ITGAD: variants seen among roughly 807,000 people sequenced by gnomAD.
ITGAD encodes integrin alpha-D.
In ITGAD, 105 loss-of-function variants were observed where a neutral mutation model predicts 139.0. That is an observed-to-expected ratio of 0.76 (90% CI 0.65 to 0.89). The LOEUF is 0.89. ITGAD is among the 40% of genes least tolerant of loss of function. The probability of loss-of-function intolerance (pLI) is 0.00; values close to 1 mark genes in which losing one functional copy is unlikely to be tolerated. For missense variants in ITGAD, 1,384 were observed against 1,487.3 expected (o/e 0.93, Z 1.14); for synonymous variants, 569 against 598.3 (o/e 0.95, Z 0.71).
intron 18 of ITGAD, among the ~76,000 whole-genome samples, 189 bp from the exon 19 acceptor site, chr16:31,416,024 G>A (rs1264314828): frequency 6.6e-6 from 1 of 151,710 alleles, no homozygotes; most frequent in Non-Finnish European, 1.5e-5. Context: ...GTCCCTTGAA[G>A]CCAAGGATCT....
chr16:31,410,407 C>G lies in ITGAD; in HGVS notation c.1096C>G (p.Leu366Val). ...TCTTTCCTCCCAGGATGGCCTCTTCCTGGGGGCTGTGGGGAGCTTTAGCTG... is the reference window on the plus strand; with the variant it reads ...TCTTTCCTCCCAGGATGGCCTCTTCGTGGGGGCTGTGGGGAGCTTTAGCTG... ...STALTMDGLFLGAVGSFSWSG... is the reference protein window; with the variant it reads ...STALTMDGLFVGAVGSFSWSG... Residue 366 changes from leucine (L) to valine (V), a missense_variant, in exon 11 of 30, where the codon CTG becomes GTG. By Grantham distance (32) the Leu-to-Val change is conservative (BLOSUM62 1). Transcript: ENST00000389202. 1 of 1,613,978 alleles carries G rather than the reference C, an allele frequency of 6.2e-7. No homozygotes were observed. Among genetic ancestry groups the G allele is most frequent in the Non-Finnish European group, 8.5e-7 (1 of 1,179,946 alleles).
chr16:31,407,311 G>A (rs945615457), intron 7 of ITGAD, among the ~76,000 whole-genome samples: 5 of 152,152 alleles, frequency 3.3e-5, no homozygotes, highest in East Asian at 1.9e-4. Flanking sequence ...TGGAGATCAC[G>A]CCACTGCACT....
chr16:31,400,724 C>T (rs1215833086), intron 5 of ITGAD, among the ~76,000 whole-genome samples: 1 of 152,088 alleles, frequency 6.6e-6, no homozygotes, highest in Non-Finnish European at 1.5e-5. Context: ...CCTGCCTCAG[C>T]CCCCCAAATA....
Position 31,410,423 on chromosome 16 carries a change from G to T in ITGAD, c.1112G>T (p.Ser371Ile), listed in dbSNP as rs2081657970. 2 of 1,613,900 alleles carry T rather than the reference G, an allele frequency of 1.2e-6. No individual in the cohort carries two copies. Among genetic ancestry groups the T allele is most frequent in the Admixed American group, 1.7e-5 (1 of 59,988 alleles). ...GGCCTCTTCCTGGGGGCTGTGGGGA[G>T]CTTTAGCTGGTCTGGAGGTGCCTTC... The part of the protein sequence containing the change: ...MDGLFLGAVG[S>I]FSWSGGAFLY... Residue 371 changes from serine (S) to isoleucine (I), a missense_variant, in exon 11 of 30, where the codon AGC becomes ATC. Ser to Ile is a moderately radical substitution (Grantham distance 142, BLOSUM62 -2). Coordinates refer to ENST00000389202, the MANE Select transcript of ITGAD (RefSeq NM_005353.3).
At chr16:31,407,218 G>A (rs1011231143) in intron 7 of ITGAD, among the ~76,000 whole-genome samples, 1 of 152,120 alleles carries the variant, frequency 6.6e-6, no homozygotes, top group African/African-American at 2.4e-5. Flanking sequence ...GCCAGTCATG[G>A]TGGTGGGCAC....
chr16:31,426,137 T>TC lies in ITGAD; in HGVS notation c.*9_*10insC. On this transcript the variant is annotated 3_prime_UTR_variant, in exon 30 of 30. Transcript: ENST00000389202. ...ATGTGCCTTTGTCCTAATAATCCACTTTCCTGTTTATCTCTACCACTGTGG... is the reference window on the plus strand; with the variant it reads ...ATGTGCCTTTGTCCTAATAATCCACTCTTCCTGTTTATCTCTACCACTGTGG... The TC allele has an allele frequency of 6.4e-7, 1 of 1,564,296 alleles. No individual in the cohort carries two copies. Among genetic ancestry groups the TC allele is most frequent in the Non-Finnish European group, 8.8e-7 (1 of 1,135,692 alleles).
rs1210514023 is a variant in ITGAD at position 31,410,758 on chromosome 16, G to C, written c.1236G>C (p.Leu412=). The change falls in exon 12 of 30, where the codon CTG becomes CTC. Residue 412 remains leucine (L), a synonymous_variant. Transcript: ENST00000389202. ...CAGGTTACTCCACCGAGCTAGCCCTGTGGAAGGGGGTACAGAACCTGGTCC... is the reference window on the plus strand; with the variant it reads ...CAGGTTACTCCACCGAGCTAGCCCTCTGGAAGGGGGTACAGAACCTGGTCC... ...SYLGYSTELA[L]WKGVQNLVLG... 6.2e-7 allele frequency: 1 copy of C among 1,612,938 alleles called. No homozygotes were observed. The highest frequency in any genetic ancestry group is 1.1e-5 in the South Asian group (1 of 91,040).
At chr16:31,413,328 G>A in intron 16 of ITGAD, 82 bp downstream of exon 16, 2 of 1,447,928 alleles carry the variant, frequency 1.4e-6, no homozygotes, top group South Asian at 2.5e-5. Flanking sequence ...GATGGGCCTA[G>A]GAATCCAATC....
Position 31,413,235 on chromosome 16 carries a change from T to C in ITGAD, c.1985T>C (p.Leu662Pro), listed in dbSNP as rs148007203. The C allele has an allele frequency of 3.1e-6, 5 of 1,614,108 alleles. No homozygotes were observed. Among genetic ancestry groups the C allele is most frequent in the African/African-American group, 2.7e-5 (2 of 75,028 alleles). Reference protein sequence around the residue: ...TVCLTIQKSSLDQLGDIQSSV... With the variant: ...TVCLTIQKSSPDQLGDIQSSV... ...TGTCTCACCATCCAGAAAAGCTCAC[T>C]GGACCAGCTAGGTGTGTTTCCCCCA... is the stretch of plus-strand genomic sequence containing the variant. Residue 662 changes from leucine (L) to proline (P), a missense_variant, in exon 16 of 30, where the codon CTG becomes CCG. By Grantham distance (98) the Leu-to-Pro change is moderately conservative (BLOSUM62 -3). Coordinates refer to ENST00000389202, the MANE Select transcript of ITGAD (RefSeq NM_005353.3).
chr16:31,411,285 C>T, intron 13 of ITGAD, 23 bp from the exon 14 acceptor site: 1 of 1,608,400 alleles, frequency 6.2e-7, no homozygotes, highest in South Asian at 1.1e-5. Flanking sequence ...GGATTGGGGT[C>T]TGACACTGCT....
intron 11 of ITGAD, 95 bp from the exon 12 acceptor site, chr16:31,410,641 G>C (rs969316940): frequency 1.1e-5 from 17 of 1,551,820 alleles, no homozygotes; most frequent in Non-Finnish European, 1.4e-5. Context: ...CAGGGTTCTG[G>C]GGAGGGGAGA....
intron 16 of ITGAD, 54 bp downstream of exon 16, chr16:31,413,300 A>G (rs965445379): frequency 6.0e-5 from 95 of 1,574,838 alleles, no homozygotes; most frequent in Middle Eastern, 5.1e-4. Flanking sequence ...AGGGGCCCCA[A>G]TGCCATCCTG....
chr16:31,407,977 G>A, intron 9 of ITGAD, 61 bp downstream of exon 9: 1 of 1,493,412 alleles, frequency 6.7e-7, no homozygotes, highest in Admixed American at 2.3e-5. Context: ...GTCCCGTGCA[G>A]GCTTTTTTTT....
intron 5 of ITGAD, among the ~76,000 whole-genome samples, chr16:31,401,129 G>A (rs1261755318): frequency 6.6e-6 from 1 of 152,118 alleles, no homozygotes; most frequent in Non-Finnish European, 1.5e-5. Context: ...GCAAGGTGGT[G>A]CACACCTGTA....
chr16:31,402,344 G>A, intron 6 of ITGAD, 99 bp downstream of exon 6: 1 of 1,055,450 alleles, frequency 9.5e-7, no homozygotes, highest in South Asian at 1.5e-5. Flanking sequence ...TGAGCCGTGT[G>A]TGATGGGGCT....
intron 18 of ITGAD, 85 bp from the exon 19 acceptor site, chr16:31,416,128 C>A: frequency 1.8e-6 from 2 of 1,135,798 alleles, no homozygotes; most frequent in Non-Finnish European, 2.6e-6. Context: ...CTTAGTAATG[C>A]TCAATGTTGG....
intron 18 of ITGAD, among the ~76,000 whole-genome samples, 179 bp from the exon 19 acceptor site, chr16:31,416,034 T>C (rs1164728680): frequency 7.4e-6 from 1 of 136,036 alleles, no homozygotes; most frequent in Non-Finnish European, 1.7e-5. Context: ...GCCAAGGATC[T>C]TGTCTTATCT....
chr16:31,415,555 A>G (rs777097121), intron 18 of ITGAD, among the ~76,000 whole-genome samples: 10 of 152,164 alleles, frequency 6.6e-5, no homozygotes, highest in Non-Finnish European at 1.5e-5. Flanking sequence ...TACACATCCT[A>G]GGCAGTTCCC....
chr16:31,419,812 C>CAAAAAAAAAAAAAAA (rs1202333629), intron 23 of ITGAD, among the ~76,000 whole-genome samples: 44 of 57,616 alleles, frequency 7.6e-4, no homozygotes, highest in Middle Eastern at 8.3e-3. Context: ...GGCTCTGTCT[C>CAAAAAAAAAAAAAAA]AAAAAAAAAA....
Sources: allele counts gnomAD v4.1 joint callset (sites outside exome capture counted in the v4.1 genomes callset), GRCh38; gene constraint gnomAD v4.1.1; transcripts MANE v1.5; gene names NCBI Gene and HGNC (gene_info 2026-07-23, HGNC 2026-07-21).